PLXNA2: variants seen among roughly 807,000 people sequenced by gnomAD.
PLXNA2 encodes plexin A2, also known as plexin-A2.
Under a neutral mutation model 193.5 loss-of-function variants are expected in PLXNA2, and 91 were observed. That is an observed-to-expected ratio of 0.47 (90% CI 0.40 to 0.56). PLXNA2 has a LOEUF of 0.56. Among genes scored for constraint, PLXNA2 ranks in the 20% least tolerant of loss-of-function variants. PLXNA2 has a pLI of 0.00. For missense variants in PLXNA2, 1,995 were observed against 2,503.2 expected, an observed-to-expected ratio of 0.80 and a Z score of 4.33; for synonymous variants, 997 against 1,027.3, an observed-to-expected ratio of 0.97 and a Z score of 0.56.
At chr1:208,149,857 ACT>A (rs989512944) in intron 3 of PLXNA2, among the ~76,000 whole-genome samples, 6 of 151,956 alleles carry the variant, frequency 3.9e-5, no homozygotes, top group Admixed American at 3.3e-4. Context: ...ATACACACAC[ACT>A]CTCTCACATA....
chr1:208,077,797 G>A (rs1666209119), intron 12 of PLXNA2, among the ~76,000 whole-genome samples: 1 of 152,148 alleles, frequency 6.6e-6, no homozygotes, highest in African/African-American at 2.4e-5. Flanking sequence ...CCCTGGTCAC[G>A]ATCAAGAATA....
chr1:208,078,097 T>A (rs1210736569), intron 12 of PLXNA2, among the ~76,000 whole-genome samples: 2 of 152,222 alleles, frequency 1.3e-5, no homozygotes, highest in Admixed American at 1.3e-4. Context: ...GCTCTGCCAC[T>A]TATCAGCGGT....
At chr1:208,150,600 G>T (rs1415120949) in intron 3 of PLXNA2, among the ~76,000 whole-genome samples, 3 of 152,154 alleles carry the variant, frequency 2.0e-5, no homozygotes, top group African/African-American at 7.2e-5. Flanking sequence ...TGGGGAGATT[G>T]GCTGGTGAGG....
intron 2 of PLXNA2, among the ~76,000 whole-genome samples, chr1:208,212,247 TG>T (rs989445602): frequency 8.5e-5 from 13 of 152,248 alleles, no homozygotes; most frequent in African/African-American, 3.1e-4. Context: ...TTGGAATAAT[TG>T]GTTTATAAGT....
intron 3 of PLXNA2, among the ~76,000 whole-genome samples, chr1:208,208,083 G>A (rs1572033085): frequency 6.6e-6 from 1 of 152,380 alleles, no homozygotes; most frequent in Admixed American, 6.5e-5. Flanking sequence ...AGCCCCTAGT[G>A]TGTGCTGTGC....
chr1:208,149,026 A>G (rs1261939090), intron 3 of PLXNA2, among the ~76,000 whole-genome samples: 1 of 152,360 alleles, frequency 6.6e-6, no homozygotes, highest in South Asian at 2.1e-4. Flanking sequence ...CATCACTCTC[A>G]GCAGGTCTCA....
chr1:208,240,691 A>G (rs757810562), intron 1 of PLXNA2, among the ~76,000 whole-genome samples: 1 of 144,400 alleles, frequency 6.9e-6, no homozygotes, highest in Non-Finnish European at 1.5e-5. Flanking sequence ...TTCCCTATGG[A>G]CAGTCAGTCC....
chr1:208,209,146 G>T (rs1558245289), intron 3 of PLXNA2, among the ~76,000 whole-genome samples: 3 of 152,162 alleles, frequency 2.0e-5, no homozygotes, highest in Admixed American at 6.5e-5. Flanking sequence ...TGAGGAAATG[G>T]TTAAATATCT....
intron 4 of PLXNA2, among the ~76,000 whole-genome samples, chr1:208,111,820 G>C (rs1432027402): frequency 6.6e-6 from 1 of 152,144 alleles, no homozygotes; most frequent in Non-Finnish European, 1.5e-5. Flanking sequence ...CCAGCCTCCT[G>C]CCTGTCCTCT....
chr1:208,204,677 A>T (rs1339992489), intron 3 of PLXNA2, among the ~76,000 whole-genome samples: 1 of 152,206 alleles, frequency 6.6e-6, no homozygotes, highest in Non-Finnish European at 1.5e-5. Context: ...ATTTGAGATC[A>T]CTTTCATGAG....
chr1:208,164,635 A>G (rs1669237203), intron 3 of PLXNA2, among the ~76,000 whole-genome samples: 1 of 152,228 alleles, frequency 6.6e-6, no homozygotes, highest in East Asian at 1.9e-4. Context: ...CATCTTTGAA[A>G]ACACCTAAGA....
At chr1:208,033,546 A>C (rs1321266544) in intron 27 of PLXNA2, 37 bp from the exon 28 acceptor site, 2 of 1,526,034 alleles carry the variant, frequency 1.3e-6, no homozygotes, top group Non-Finnish European at 1.8e-6. Flanking sequence ...TGTGAGTAAC[A>C]GTCACCAGCC....
chr1:208,057,681 G>A, intron 13 of PLXNA2, among the ~76,000 whole-genome samples: 1 of 152,166 alleles, frequency 6.6e-6, no homozygotes, highest in South Asian at 2.1e-4. Context: ...GGGTCCCTAT[G>A]TATTGTTAGG....
chr1:208,045,879 T>C lies in PLXNA2; in HGVS notation c.3494A>G (p.Lys1165Arg). Residue 1165 changes from lysine (K) to arginine (R), a missense_variant and splice_region_variant, in exon 18 of 32, where the codon AAG (lysine) becomes AGG (arginine). By Grantham distance (26) the Lys-to-Arg change is conservative. Transcript: ENST00000367033. ...DQKPGSPIILKGKNLCPPASG... is the reference protein window; with the variant it reads ...DQKPGSPIILRGKNLCPPASG... ...CTGCCCTCTGGCGGGCACTCCTACC[T>C]TCAGAATGATGGGCGATCCTGGCTT... 6.2e-7 allele frequency: 1 copy of C among 1,614,228 alleles called. No individual in the cohort carries two copies. Among genetic ancestry groups the C allele is most frequent in the East Asian group, 2.2e-5 (1 of 44,884 alleles).
intron 6 of PLXNA2, 98 bp from the exon 7 acceptor site, chr1:208,096,981 C>T (rs775327275): frequency 9.7e-7 from 1 of 1,033,462 alleles, no homozygotes; most frequent in Non-Finnish European, 1.4e-6. Context: ...ACTGATCTCC[C>T]CTGACCTCAT....
chr1:208,183,607 A>AG (rs367756173), intron 3 of PLXNA2, among the ~76,000 whole-genome samples: 60 of 105,148 alleles, frequency 5.7e-4, no homozygotes, highest in East Asian at 7.4e-4. Context: ...AGAGAGGGAG[A>AG]GGGGGGGGTC....
intron 26 of PLXNA2, among the ~76,000 whole-genome samples, chr1:208,035,449 C>A (rs751444926): frequency 2.6e-5 from 4 of 152,082 alleles, no homozygotes; most frequent in Non-Finnish European, 4.4e-5. Context: ...GGGGACTGAG[C>A]GAGAAAGATG....
chr1:208,199,495 A>C (rs1376812565), intron 3 of PLXNA2, among the ~76,000 whole-genome samples: 1 of 152,166 alleles, frequency 6.6e-6, no homozygotes, highest in Non-Finnish European at 1.5e-5. Flanking sequence ...GATCGAGACC[A>C]TCCTGGCCAA....
chr1:208,027,159 C>T lies in PLXNA2; in HGVS notation c.*84G>A, dbSNP rs551325262. ...GGGACAGCAAGCTCTGGGGCCTGAT[C>T]CCCATCACTTGTCCTTCCATCTGAG... On this transcript the variant is annotated 3_prime_UTR_variant, in exon 32 of 32. Coordinates refer to ENST00000367033, the MANE Select transcript of PLXNA2 (RefSeq NM_025179.4). 1.6e-6 allele frequency: 2 copies of T among 1,224,412 alleles called. No homozygotes were observed. The highest frequency in any genetic ancestry group is 1.5e-5 in the African/African-American group (1 of 67,736). 75.8% of individuals were successfully genotyped at this position (1,224,412 alleles called of 1,614,324 possible).
Sources: gnomAD v4.1 joint callset for allele counts (sites outside exome capture counted in the v4.1 genomes callset) on GRCh38, gnomAD v4.1.1 for gene constraint, MANE v1.5 for transcripts, NCBI Gene and HGNC (gene_info 2026-07-23, HGNC 2026-07-21) for gene names.